The following AGBL4 variants were observed in gnomAD, a reference collection of about 807,000 sequenced individuals.
AGBL4 encodes cytosolic carboxypeptidase 6.
Under a neutral mutation model 66.4 loss-of-function variants are expected in AGBL4, and 58 were observed. That is an observed-to-expected ratio of 0.87 (90% CI 0.71 to 1.09). The LOEUF is 1.09. Among genes scored for constraint, AGBL4 ranks in the 50% least tolerant of loss-of-function variants. AGBL4 has a pLI of 0.00. For synonymous variants in AGBL4, 234 were observed against 222.9 expected, an observed-to-expected ratio of 1.05 and a Z score of -0.44; for missense variants, 579 against 631.0, an observed-to-expected ratio of 0.92 and a Z score of 0.88.
intron 1 of AGBL4, among the ~76,000 whole-genome samples, chr1:49,989,128 C>G (rs1659731934): frequency 6.6e-6 from 1 of 152,178 alleles, no homozygotes; most frequent in South Asian, 2.1e-4. Flanking sequence ...TCAATCAAAA[C>G]TAGTGTAAAT....
intron 3 of AGBL4, among the ~76,000 whole-genome samples, chr1:49,532,308 T>C: frequency 6.6e-6 from 1 of 152,136 alleles, no homozygotes; most frequent in East Asian, 1.9e-4. Context: ...CAGTATAGCC[T>C]AGTTTGTCCT....
At chr1:48,626,121 T>C (rs1345572988) in intron 9 of AGBL4, among the ~76,000 whole-genome samples, 1 of 152,164 alleles carries the variant, frequency 6.6e-6, no homozygotes, top group Non-Finnish European at 1.5e-5. Context: ...CTGGGCCACG[T>C]AGGTAGGAGT....
chr1:50,016,971 A>G lies in AGBL4; in HGVS notation c.34+6792T>C, dbSNP rs375505689. On this transcript the variant is annotated intron_variant, in intron 1 of 13. Transcript: ENST00000371839. ...AAAGAAATCTAAATTGTTCTACCAT[A>G]AAGACACATGCACACATACGTTCAT... 1.4e-3 allele frequency: 209 copies of G among 152,312 alleles called. 1 individual carries two copies. Among genetic ancestry groups the G allele is most frequent in the African/African-American group, 4.7e-3 (197 of 41,556 alleles). 9.4% of individuals were successfully genotyped at this position (152,312 alleles called of 1,614,324 possible).
chr1:49,484,863 TA>T (rs1200005581), intron 3 of AGBL4, among the ~76,000 whole-genome samples: 1 of 151,980 alleles, frequency 6.6e-6, no homozygotes, highest in Non-Finnish European at 1.5e-5. Context: ...ATTTAATTCA[TA>T]AATATATATA....
intron 11 of AGBL4, among the ~76,000 whole-genome samples, chr1:48,546,520 A>T (rs777716566): frequency 2.6e-5 from 4 of 152,212 alleles, no homozygotes; most frequent in Non-Finnish European, 4.4e-5. Context: ...ACATGACCTG[A>T]AATAACACAG....
At chr1:49,520,125 T>C (rs1650139701) in intron 3 of AGBL4, among the ~76,000 whole-genome samples, 1 of 152,018 alleles carries the variant, frequency 6.6e-6, no homozygotes, top group African/African-American at 2.4e-5. Context: ...TCTACTAGTG[T>C]CTCACTCTTT....
At chr1:48,894,176 T>A (rs1359460777) in intron 5 of AGBL4, among the ~76,000 whole-genome samples, 2 of 152,240 alleles carry the variant, frequency 1.3e-5, no homozygotes, top group South Asian at 4.1e-4. Flanking sequence ...GCTGAAATGA[T>A]GAAGATTTAG....
chr1:49,832,087 C>CT (rs1381240886), intron 2 of AGBL4, among the ~76,000 whole-genome samples: 3 of 151,688 alleles, frequency 2.0e-5, no homozygotes, highest in African/African-American at 4.9e-5. Context: ...TGCTGGTGTG[C>CT]TGCACCCATT....
chr1:49,797,497 A>G (rs1359083887), intron 2 of AGBL4, among the ~76,000 whole-genome samples: 1 of 152,126 alleles, frequency 6.6e-6, no homozygotes, highest in Non-Finnish European at 1.5e-5. Flanking sequence ...GGAGTGGCAG[A>G]ATTATATAGC....
chr1:49,828,911 T>C (rs892273187), intron 2 of AGBL4, among the ~76,000 whole-genome samples: 1 of 151,710 alleles, frequency 6.6e-6, no homozygotes, highest in Admixed American at 6.6e-5. Context: ...CTACTAAAAA[T>C]ACAAAAAATT....
intron 4 of AGBL4, among the ~76,000 whole-genome samples, chr1:49,147,625 T>C (rs1646244044): frequency 6.6e-6 from 1 of 152,088 alleles, no homozygotes. Context: ...AACTATACTT[T>C]CCAGGCCAGC....
intron 3 of AGBL4, among the ~76,000 whole-genome samples, chr1:49,557,139 C>A (rs1571027793): frequency 6.6e-6 from 1 of 152,000 alleles, no homozygotes. Context: ...CCTTGGCCAG[C>A]CCAGAGAAGG....
intron 5 of AGBL4, among the ~76,000 whole-genome samples, chr1:48,986,441 G>A (rs545859354): frequency 3.9e-5 from 6 of 151,934 alleles, no homozygotes; most frequent in South Asian, 2.1e-4. Context: ...GTTACATACC[G>A]AGAAACAACG....
At chr1:49,795,701 G>A (rs1429006472) in intron 2 of AGBL4, among the ~76,000 whole-genome samples, 2 of 151,692 alleles carry the variant, frequency 1.3e-5, no homozygotes, top group Non-Finnish European at 2.9e-5. Context: ...TCCCAAATCA[G>A]TAGTAAAGAG....
intron 1 of AGBL4, among the ~76,000 whole-genome samples, chr1:50,003,284 G>A (rs1005915468): frequency 6.6e-6 from 1 of 152,152 alleles, no homozygotes; most frequent in Non-Finnish European, 1.5e-5. Context: ...AAACTTGCAA[G>A]GCAAAGAGAC....
At chr1:49,667,547 A>G (rs1319020813) in intron 3 of AGBL4, among the ~76,000 whole-genome samples, 1 of 152,202 alleles carries the variant, frequency 6.6e-6, no homozygotes, top group African/African-American at 2.4e-5. Flanking sequence ...TAAGGAAATA[A>G]CAGTATAGAA....
At chr1:48,770,382 C>T (rs559223170) in intron 6 of AGBL4, among the ~76,000 whole-genome samples, 2 of 152,206 alleles carry the variant, frequency 1.3e-5, no homozygotes, top group Non-Finnish European at 2.9e-5. Context: ...GTTTCCAGGA[C>T]ACCTATCTCT....
intron 8 of AGBL4, among the ~76,000 whole-genome samples, chr1:48,641,460 G>A (rs1557847500): frequency 2.6e-5 from 4 of 152,096 alleles, no homozygotes; most frequent in Non-Finnish European, 5.9e-5. Context: ...ACGAGGAGAT[G>A]TCTGTGACCA....
Position 48,534,132 on chromosome 1 carries a change from C to A in AGBL4, c.*41G>T, listed in dbSNP as rs1471458006. The stretch of plus-strand genomic sequence containing the variant: ...TAATTTCATTCCCCAGCAGAAAATG[C>A]ATGCTCCTGTCCCCATAAGACCTCC... On this transcript the variant is annotated 3_prime_UTR_variant, in exon 14 of 14. Coordinates refer to ENST00000371839, the MANE Select transcript of AGBL4 (RefSeq NM_032785.4). 3.9e-6 allele frequency: 6 copies of A among 1,551,042 alleles called. No individual in the cohort carries two copies. In the Admixed American group the frequency reaches 9.8e-5, roughly 25 times the overall value.
Sources: gnomAD v4.1 joint callset for allele counts (sites outside exome capture counted in the v4.1 genomes callset) on GRCh38, gnomAD v4.1.1 for gene constraint, MANE v1.5 for transcripts, NCBI Gene and HGNC (gene_info 2026-07-23, HGNC 2026-07-21) for gene names.